Variants in CRTC1 observed in about 807,000 individuals in gnomAD.
The protein encoded by CRTC1 is CREB-regulated transcription coactivator 1.
A neutral mutation model predicts 66.1 loss-of-function variants in CRTC1; 18 were observed. The observed-to-expected ratio is 0.27, with a 90% CI of 0.19 to 0.40. CRTC1 has a LOEUF of 0.40. Among genes scored for constraint, CRTC1 ranks in the 10% least tolerant of loss-of-function variants. The pLI is 1.00. For synonymous variants in CRTC1, 416 were observed against 398.8 expected, an observed-to-expected ratio of 1.04 and a Z score of -0.51; for missense variants, 669 against 887.9, an observed-to-expected ratio of 0.75 and a Z score of 3.13.
chr19:18,745,257 G>A (rs1057181829), intron 2 of CRTC1, among the ~76,000 whole-genome samples: 4 of 152,304 alleles, frequency 2.6e-5, no homozygotes, highest in African/African-American at 7.2e-5. Context: ...AGGAGGCTGC[G>A]GGGGAGGGTG....
At chr19:18,746,957 C>A in intron 3 of CRTC1, 96 bp from the exon 4 acceptor site, 1 of 1,222,850 alleles carries the variant, frequency 8.2e-7, no homozygotes, top group Non-Finnish European at 1.2e-6. Context: ...TCAGGCCGAC[C>A]CCAGCCAGCC....
intron 1 of CRTC1, among the ~76,000 whole-genome samples, chr19:18,717,965 C>T (rs1445738067): frequency 1.3e-5 from 2 of 152,234 alleles, no homozygotes; most frequent in African/African-American, 2.4e-5. Context: ...AGCCCCGTCA[C>T]GGGGCTGGCT....
At position 18,746,764 on chromosome 19, in the gene CRTC1, C is replaced by T. The variant is rs115205541; in HGVS notation, c.382-289C>T. ...GTCCCCACAGGCCCTACTTTCACAGCCCAGAACCCCCTCCCTTGGAAGGGG... is the reference window on the plus strand; with the variant it reads ...GTCCCCACAGGCCCTACTTTCACAGTCCAGAACCCCCTCCCTTGGAAGGGG... On this transcript the variant is annotated intron_variant, in intron 3 of 13. Transcript: ENST00000321949. 1.1e-3 allele frequency among the ~76,000 whole-genome samples: 169 copies of T among 152,308 alleles called. 1 individual carries two copies. Among genetic ancestry groups the T allele is most frequent in the African/African-American group, 3.9e-3 (161 of 41,568 alleles).
At chr19:18,745,637 C>T (rs986030677) in intron 2 of CRTC1, among the ~76,000 whole-genome samples, 186 bp from the exon 3 acceptor site, 3 of 152,224 alleles carry the variant, frequency 2.0e-5, no homozygotes, top group African/African-American at 7.2e-5. Context: ...CTCCCTACCC[C>T]CCAGTGCTTG....
At chr19:18,775,308 C>T (rs1034307685) in intron 12 of CRTC1, among the ~76,000 whole-genome samples, 5 of 152,346 alleles carry the variant, frequency 3.3e-5, no homozygotes, top group Admixed American at 2.0e-4. Context: ...CGCGGCGCCT[C>T]GGCATGGACC....
Position 18,779,861 on chromosome 19 carries a change from C to T in CRTC1, c.*2479C>T, listed in dbSNP as rs2055069598. Reference sequence around the variant, plus strand: ...CGAGCTTGCCAGGGACAGTGGGGCCCACGCGAGTACCCGGGGCCCAGCCAG... The same window carrying T: ...CGAGCTTGCCAGGGACAGTGGGGCCTACGCGAGTACCCGGGGCCCAGCCAG... On this transcript the variant is annotated 3_prime_UTR_variant, in exon 14 of 14. Transcript: ENST00000321949. 4.4e-6 allele frequency: 1 copy of T among 228,526 alleles called. No homozygotes were observed. The highest frequency in any genetic ancestry group is 2.2e-5 in the African/African-American group (1 of 45,150). The allele number at this position is 228,526 out of a possible 1,614,324, so 14.2% of individuals were successfully genotyped here.
intron 12 of CRTC1, 38 bp from the exon 13 acceptor site, chr19:18,775,603 G>T: frequency 6.6e-7 from 1 of 1,508,404 alleles, no homozygotes. Context: ...GGGCAGGCCC[G>T]CGGTGGCCCT....
rs562216505 is a variant in CRTC1, at chr19:18,757,053, C to T, written c.625-2498C>T. On this transcript the variant is annotated intron_variant, in intron 6 of 13. Transcript: ENST00000321949. ...CAGTGGCTGCGGGTTGGGCATTGCC[C>T]CCTCACGGTGTGTGCATTTTGAGGC... Among the ~76,000 whole-genome samples, 115 of 152,354 alleles carry T rather than the reference C, an allele frequency of 7.5e-4. 1 individual carries two copies. Among genetic ancestry groups the T allele is most frequent in the African/African-American group, 2.7e-3 (114 of 41,588 alleles).
At chr19:18,686,443 T>G (rs532743534) in intron 1 of CRTC1, among the ~76,000 whole-genome samples, 1 of 152,172 alleles carries the variant, frequency 6.6e-6, no homozygotes, top group East Asian at 1.9e-4. Flanking sequence ...AGGTCAGGAG[T>G]TCGAGACCAG....
At chr19:18,701,118 C>T (rs947830595) in intron 1 of CRTC1, among the ~76,000 whole-genome samples, 3 of 152,254 alleles carry the variant, frequency 2.0e-5, no homozygotes, top group Non-Finnish European at 4.4e-5. Context: ...CGGCAAGGAG[C>T]CCGCTAATCC....
At chr19:18,769,283 C>G (rs1278330255) in intron 10 of CRTC1, among the ~76,000 whole-genome samples, 4 of 152,254 alleles carry the variant, frequency 2.6e-5, no homozygotes, top group Non-Finnish European at 5.9e-5. Flanking sequence ...ACTTTTCTGC[C>G]TAGGGCCGGC....
intron 9 of CRTC1, among the ~76,000 whole-genome samples, chr19:18,767,357 C>G (rs1311166043): frequency 1.3e-5 from 2 of 152,044 alleles, no homozygotes; most frequent in African/African-American, 4.8e-5. Context: ...GCCTACCATG[C>G]CCAGCTGAGT....
intron 1 of CRTC1, among the ~76,000 whole-genome samples, chr19:18,712,134 G>A (rs1293622034): frequency 1.2e-4 from 19 of 152,032 alleles, no homozygotes; most frequent in Non-Finnish European, 2.5e-4. Flanking sequence ...GTGGAGATGG[G>A]TCTCACTATA....
At chr19:18,776,945 C>T (rs1041568999) in intron 13 of CRTC1, among the ~76,000 whole-genome samples, 1 of 152,202 alleles carries the variant, frequency 6.6e-6, no homozygotes, top group African/African-American at 2.4e-5. Flanking sequence ...ACATCTGGAG[C>T]TGACATCTAG....
At chr19:18,685,990 G>T (rs1170140185) in intron 1 of CRTC1, among the ~76,000 whole-genome samples, 1 of 152,112 alleles carries the variant, frequency 6.6e-6, no homozygotes, top group African/African-American at 2.4e-5. Flanking sequence ...ACAGTTTGGT[G>T]GTTTTTAGTA....
Position 18,782,266 on chromosome 19 carries a change from G to A in CRTC1, c.*4884G>A, listed in dbSNP as rs1194622398. On this transcript the variant is annotated 3_prime_UTR_variant, in exon 14 of 14. Coordinates refer to ENST00000321949, the MANE Select transcript of CRTC1 (RefSeq NM_015321.3). ...CGTCCCTGCCCCATCCTCTGGCAGG[G>A]CTGCTTTTGTCTTTGTACCTTTGCA... 2 of 223,008 alleles carry A rather than the reference G, an allele frequency of 9.0e-6. No individual in the cohort carries two copies. The highest frequency in any genetic ancestry group is 1.8e-5 in the Non-Finnish European group (2 of 111,542). 13.8% of individuals were successfully genotyped at this position (223,008 alleles called of 1,614,324 possible).
intron 1 of CRTC1, among the ~76,000 whole-genome samples, chr19:18,732,297 G>T (rs1487345063): frequency 6.6e-6 from 1 of 152,188 alleles, no homozygotes; most frequent in Non-Finnish European, 1.5e-5. Context: ...CTCTAGGATT[G>T]GAGGCCTTGT....
At chr19:18,692,313 C>A (rs1327343634) in intron 1 of CRTC1, among the ~76,000 whole-genome samples, 1 of 152,226 alleles carries the variant, frequency 6.6e-6, no homozygotes, top group Non-Finnish European at 1.5e-5. Flanking sequence ...CCTGGTGCTA[C>A]AGGTTCTGTC....
At chr19:18,745,100 G>A (rs2054201090) in intron 2 of CRTC1, among the ~76,000 whole-genome samples, 1 of 152,262 alleles carries the variant, frequency 6.6e-6, no homozygotes, top group African/African-American at 2.4e-5. Flanking sequence ...AGCCCCGGGG[G>A]CATGAGGCCG....
Sources: allele counts gnomAD v4.1 joint callset (sites outside exome capture counted in the v4.1 genomes callset), GRCh38; gene constraint gnomAD v4.1.1; transcripts MANE v1.5; gene names NCBI Gene and HGNC (gene_info 2026-07-23, HGNC 2026-07-21).